Variants in SETBP1 observed in about 807,000 individuals in gnomAD.
SETBP1 encodes SET-binding protein.
SETBP1 carries 9 observed loss-of-function variants against 101.0 expected under a neutral mutation model. The observed-to-expected ratio is 0.09, with a 90% confidence interval of 0.05 to 0.16. SETBP1 has a LOEUF of 0.16. SETBP1 is among the 10% of genes least tolerant of loss of function. The pLI is 1.00. For missense variants in SETBP1, 1,858 were observed against 2,033.8 expected, an observed-to-expected ratio of 0.91 and a Z score of 1.66; for synonymous variants, 818 against 788.5, an observed-to-expected ratio of 1.04 and a Z score of -0.63.
intron 3 of SETBP1, among the ~76,000 whole-genome samples, chr18:44,893,508 T>C (rs1172914894): frequency 5.3e-5 from 8 of 152,166 alleles, no homozygotes; most frequent in African/African-American, 1.9e-4. Flanking sequence ...TGCACATAGT[T>C]AGTAGTCAAC....
intron 3 of SETBP1, among the ~76,000 whole-genome samples, chr18:44,891,867 G>C (rs775217004): frequency 2.0e-5 from 3 of 152,064 alleles, no homozygotes; most frequent in African/African-American, 7.2e-5. Context: ...TAGATGTCTT[G>C]AAATAGGAAC....
intron 2 of SETBP1, among the ~76,000 whole-genome samples, chr18:44,804,687 A>G (rs1475723309): frequency 1.3e-5 from 2 of 152,176 alleles, no homozygotes; most frequent in Admixed American, 6.5e-5. Flanking sequence ...GCCCATAAAT[A>G]TGGTTCAACT....
chr18:44,931,244 C>T (rs1193548126), intron 3 of SETBP1, among the ~76,000 whole-genome samples: 13 of 152,074 alleles, frequency 8.5e-5, no homozygotes, highest in Middle Eastern at 3.2e-3. Context: ...TGTAGTTGAG[C>T]GGTTTTGAGT....
intron 4 of SETBP1, among the ~76,000 whole-genome samples, chr18:45,016,731 G>GCGCACACACA (rs1352316966): frequency 8.1e-6 from 1 of 122,752 alleles, no homozygotes; most frequent in African/African-American, 3.1e-5. Flanking sequence ...ATTGGTGCGC[G>GCGCACACACA]CACACACACA....
At chr18:44,727,219 T>TGTGTGTGTGTGTG (rs1555673193) in intron 2 of SETBP1, among the ~76,000 whole-genome samples, 10 of 151,408 alleles carry the variant, frequency 6.6e-5, no homozygotes, top group South Asian at 4.2e-4. Context: ...TGTGTGTGTG[T>TGTGTGTGTGTGTG]TGATACCCAA....
intron 1 of SETBP1, among the ~76,000 whole-genome samples, chr18:44,692,716 G>A (rs1205843799): frequency 1.3e-5 from 2 of 152,196 alleles, no homozygotes; most frequent in African/African-American, 4.8e-5. Flanking sequence ...TAGAAAAGGA[G>A]GGTCCAGCCA....
chr18:45,030,405 C>T (rs1236677131), intron 4 of SETBP1, among the ~76,000 whole-genome samples: 791 of 125,118 alleles, frequency 6.3e-3, no homozygotes, highest in Middle Eastern at 0.015. Flanking sequence ...CTGCTGGATT[C>T]GGTTTGCCAG....
At chr18:44,995,234 T>C (rs773299072) in intron 4 of SETBP1, among the ~76,000 whole-genome samples, 114 of 146,758 alleles carry the variant, frequency 7.8e-4, no homozygotes, top group Non-Finnish European at 1.2e-3. Context: ...CTCCGCCTCC[T>C]GGGTTCACGC....
intron 4 of SETBP1, among the ~76,000 whole-genome samples, chr18:45,022,728 G>A (rs1267838419): frequency 6.6e-6 from 1 of 152,180 alleles, no homozygotes; most frequent in Non-Finnish European, 1.5e-5. Flanking sequence ...TACATGGGAG[G>A]CTGAGGCAGG....
Position 44,950,202 on chromosome 18 carries a change from G to A in SETBP1, c.862G>A (p.Gly288Ser), listed in dbSNP as rs267605185. Residue 288 changes from glycine to serine, a missense_variant, in exon 4 of 6, where the codon GGT (glycine) becomes AGT (serine). Transcript: ENST00000649279. The part of the protein sequence containing the change: ...SNNNKDLLLG[G>S]VAPSPSSHSS... The stretch of plus-strand genomic sequence containing the variant: ...CAATAACAAAGATCTGCTCTTGGGA[G>A]GTGTGGCTCCATCCCCAAGCAGCCA... The A allele has an allele frequency of 1.9e-6, 3 of 1,613,784 alleles. No homozygotes were observed. The highest frequency in any genetic ancestry group is 2.7e-5 in the African/African-American group (2 of 74,928).
intron 4 of SETBP1, among the ~76,000 whole-genome samples, chr18:45,021,875 C>T (rs2073077619): frequency 1.3e-5 from 2 of 152,192 alleles, no homozygotes; most frequent in South Asian, 4.2e-4. Context: ...CTTAGTGTTT[C>T]CCTCATAGTG....
At chr18:45,047,688 C>A (rs1473227377) in intron 5 of SETBP1, among the ~76,000 whole-genome samples, 1 of 152,064 alleles carries the variant, frequency 6.6e-6, no homozygotes, top group Non-Finnish European at 1.5e-5. Context: ...TGGTCTCAGG[C>A]AATGCAGAAG....
intron 3 of SETBP1, among the ~76,000 whole-genome samples, chr18:44,872,639 G>T (rs1008218639): frequency 2.0e-5 from 3 of 152,232 alleles, no homozygotes; most frequent in African/African-American, 4.8e-5. Flanking sequence ...AGCATTCAAG[G>T]CTTCTTGGCA....
At chr18:44,972,357 G>A (rs990763231) in intron 4 of SETBP1, among the ~76,000 whole-genome samples, 4 of 152,176 alleles carry the variant, frequency 2.6e-5, no homozygotes, top group East Asian at 1.9e-4. Flanking sequence ...TTGGCGATGC[G>A]GGCTCTTTTT....
intron 4 of SETBP1, among the ~76,000 whole-genome samples, chr18:44,976,114 A>ACG (rs1555638831): frequency 2.7e-5 from 4 of 149,216 alleles, no homozygotes; most frequent in Non-Finnish European, 5.9e-5. Context: ...ACACACACAC[A>ACG]CAGACTCATA....
At chr18:44,965,284 A>ACAC (rs76103547) in intron 4 of SETBP1, among the ~76,000 whole-genome samples, 2 of 147,128 alleles carry the variant, frequency 1.4e-5, no homozygotes, top group Admixed American at 6.8e-5. Context: ...CATGCACACA[A>ACAC]ACACACACAC....
At position 44,951,483 on chromosome 18, in the gene SETBP1, G is replaced by A; in HGVS notation, c.2143G>A (p.Val715Ile). 1.2e-6 allele frequency: 2 copies of A among 1,614,140 alleles called. No individual in the cohort carries two copies. The highest frequency in any genetic ancestry group is 2.2e-5 in the East Asian group (1 of 44,860). ...IESKLGKQIN[V>I]SKRGTIYIGK... is the part of the protein sequence containing the mutation. ...AAGCAAACTGGGCAAGCAGATTAAT[G>A]TCAGCAAGAGGGGAACCATCTACAT... The change falls in exon 4 of 6, where the codon GTC becomes ATC. Residue 715 changes from valine (V) to isoleucine (I), a missense_variant. Val to Ile is a conservative substitution (Grantham distance 29). This residue lies in a region of SETBP1 where 8 missense variants were observed against 32.7 expected (regional missense o/e 0.24). Transcript: ENST00000649279. The surrounding 1 kb of genome is among the most constrained non-coding windows in gnomAD (Gnocchi z 7.8).
chr18:44,946,173 C>G (rs1258946059), intron 3 of SETBP1, among the ~76,000 whole-genome samples: 1 of 152,188 alleles, frequency 6.6e-6, no homozygotes, highest in African/African-American at 2.4e-5. Flanking sequence ...CTTAAAGCAC[C>G]ATTCCCCCCA....
chr18:45,012,234 GGAA>G (rs1208219553), intron 4 of SETBP1, among the ~76,000 whole-genome samples: 1 of 152,172 alleles, frequency 6.6e-6, no homozygotes, highest in Non-Finnish European at 1.5e-5. Flanking sequence ...GGCCACTGGG[GGAA>G]GAACTAGGTC....
Sources: allele counts gnomAD v4.1 joint callset (sites outside exome capture counted in the v4.1 genomes callset), GRCh38; gene constraint gnomAD v4.1.1; regional missense constraint gnomAD v4.1.1; non-coding constraint Gnocchi (gnomAD v3.1); transcripts MANE v1.5; gene names NCBI Gene and HGNC (gene_info 2026-07-23, HGNC 2026-07-21).